GINS1: variants seen among roughly 807,000 people sequenced by gnomAD.
GINS1 encodes GINS complex subunit 1.
A neutral mutation model predicts 34.9 loss-of-function variants in GINS1; 26 were observed. That is an observed-to-expected ratio of 0.74 (90% CI 0.55 to 1.03). The LOEUF is 1.03. Among genes scored for constraint, GINS1 ranks in the 50% least tolerant of loss-of-function variants. The pLI is 0.00. For synonymous variants in GINS1, 97 were observed against 84.4 expected, an observed-to-expected ratio of 1.15 and a Z score of -0.82; for missense variants, 235 against 237.9, an observed-to-expected ratio of 0.99 and a Z score of 0.08.
In GINS1 at chr20:25,441,742, AT is replaced by A; in HGVS notation, c.489del (p.Asp163GlufsTer7). 1.3e-6 allele frequency: 2 copies of A among 1,567,720 alleles called. No homozygotes were observed. On this transcript the variant is annotated frameshift_variant, in exon 6 of 7. Transcript: ENST00000262460. LOFTEE classifies it high-confidence loss of function. ...LKDYGEFEVDDGTSVLLKKNS... is the reference protein window; with the variant it reads ...LKDYGEFEVDXGTSVLLKKNS... ...GACTATGGAGAATTTGAAGTTGATGATGGCACTTCAGTCCTATTAAAAAAAA... is the reference window on the plus strand; with the variant it reads ...GACTATGGAGAATTTGAAGTTGATGAGGCACTTCAGTCCTATTAAAAAAAA...
At chr20:25,417,625 G>A (rs1202514804) in intron 3 of GINS1, among the ~76,000 whole-genome samples, 1 of 152,084 alleles carries the variant, frequency 6.6e-6, no homozygotes, top group Non-Finnish European at 1.5e-5. Flanking sequence ...GGAGGCCAAG[G>A]CGGGTGGATC....
chr20:25,407,789 TG>T lies in GINS1; in HGVS notation c.-30del, dbSNP rs780194971. The T allele has an allele frequency of 1.9e-6, 3 of 1,590,964 alleles. No homozygotes were observed. The African/African-American group carries it at 4.0e-5, about 21-fold the overall frequency. On this transcript the variant is annotated 5_prime_UTR_variant, in exon 1 of 7. Coordinates refer to ENST00000262460, the MANE Select transcript of GINS1 (RefSeq NM_021067.5). ...CCATTTTGGCGTGAGAGCTGGTGGT[TG>T]GCAAGGCCGCGGGAGTGGGAAGCGT...
At chr20:25,442,421 T>C (rs991425112) in intron 6 of GINS1, among the ~76,000 whole-genome samples, 4 of 152,060 alleles carry the variant, frequency 2.6e-5, no homozygotes, top group Non-Finnish European at 5.9e-5. Context: ...CCTTGCTATG[T>C]TGACCATGCT....
intron 1 of GINS1, among the ~76,000 whole-genome samples, chr20:25,412,127 A>G (rs1455181109): frequency 6.6e-6 from 1 of 152,122 alleles, no homozygotes; most frequent in Non-Finnish European, 1.5e-5. Flanking sequence ...GAAAAAAATC[A>G]GAATTCTAAT....
intron 5 of GINS1, among the ~76,000 whole-genome samples, chr20:25,440,528 C>T (rs189621374): frequency 1.5e-3 from 222 of 151,920 alleles, no homozygotes; most frequent in Admixed American, 2.2e-3. Flanking sequence ...GAAGCAAATG[C>T]GGCCAGGCGT....
rs1568813204 is a variant in GINS1 at position 25,445,916 on chromosome 20, C to A, written c.523-7C>A. ...TACTCTTTCTCCATCCCTTCTTGTC[C>A]CCTCAGCACTTTTTACCTCGATGGA... On this transcript the variant is annotated splice_region_variant and splice_polypyrimidine_tract_variant and intron_variant, in intron 6 of 6. Coordinates refer to ENST00000262460, the MANE Select transcript of GINS1 (RefSeq NM_021067.5). 2 of 1,567,248 alleles carry A rather than the reference C, an allele frequency of 1.3e-6. No individual in the cohort carries two copies. Among genetic ancestry groups the A allele is most frequent in the Admixed American group, 1.7e-5 (1 of 57,660 alleles).
intron 1 of GINS1, among the ~76,000 whole-genome samples, chr20:25,409,880 T>C (rs993464718): frequency 1.3e-5 from 2 of 152,222 alleles, no homozygotes; most frequent in Admixed American, 1.3e-4. Flanking sequence ...TTAGAGGTCA[T>C]TGTACATATC....
At chr20:25,415,954 G>A (rs905601306) in intron 2 of GINS1, among the ~76,000 whole-genome samples, 1 of 152,170 alleles carries the variant, frequency 6.6e-6, no homozygotes, top group African/African-American at 2.4e-5. Flanking sequence ...CTAGGTGGAG[G>A]GAACAGCATA....
Position 25,407,785 on chromosome 20 carries a change from TG to T in GINS1, c.-34del. On this transcript the variant is annotated 5_prime_UTR_variant, in exon 1 of 7. Coordinates refer to ENST00000262460, the MANE Select transcript of GINS1 (RefSeq NM_021067.5). ...GATACCATTTTGGCGTGAGAGCTGGTGGTTGGCAAGGCCGCGGGAGTGGGAA... is the reference window on the plus strand; with the variant it reads ...GATACCATTTTGGCGTGAGAGCTGGTGTTGGCAAGGCCGCGGGAGTGGGAA... The T allele has an allele frequency of 6.4e-7, 1 of 1,559,896 alleles. No individual in the cohort carries two copies. The highest frequency in any genetic ancestry group is 8.8e-7 in the Non-Finnish European group (1 of 1,131,378).
chr20:25,414,030 A>C (rs1162574728), intron 2 of GINS1, among the ~76,000 whole-genome samples, 176 bp downstream of exon 2: 1 of 151,944 alleles, frequency 6.6e-6, no homozygotes, highest in African/African-American at 2.4e-5. Context: ...TCTCTACTAA[A>C]AATACAAAAA....
chr20:25,434,875 A>C (rs1192170167), intron 5 of GINS1, among the ~76,000 whole-genome samples: 1 of 152,204 alleles, frequency 6.6e-6, no homozygotes, highest in Non-Finnish European at 1.5e-5. Context: ...GAGGGATGAA[A>C]TGCAGTGTCC....
chr20:25,408,832 C>T lies in GINS1; in HGVS notation c.75+937C>T, dbSNP rs563432889. The T allele has an allele frequency of 5.2e-6, 4 of 774,338 alleles. 1 individual carries two copies. In the South Asian group the frequency reaches 2.3e-4, roughly 45 times the overall value. 48.0% of individuals were successfully genotyped at this position (774,338 alleles called of 1,614,324 possible). On this transcript the variant is annotated intron_variant, in intron 1 of 6. Coordinates refer to ENST00000262460, the MANE Select transcript of GINS1 (RefSeq NM_021067.5). ...TAGGATTTGAACCCTGGCACTCTGGCTCCAGAGCCTGCACTCTAAATTGTA... is the reference window on the plus strand; with the variant it reads ...TAGGATTTGAACCCTGGCACTCTGGTTCCAGAGCCTGCACTCTAAATTGTA...
At chr20:25,418,298 T>C (rs1209419651) in intron 4 of GINS1, 103 bp downstream of exon 4, 1 of 764,484 alleles carries the variant, frequency 1.3e-6, no homozygotes. Context: ...GTTTAATGTC[T>C]GTTTTTCCCC....
In GINS1 at chr20:25,407,883, GC is replaced by G. The variant is rs1341651518; in HGVS notation, c.65del (p.Pro22LeufsTer15). ...ELHRAPEGQLPAFNEDGLRQV... is the reference protein window; with the variant it reads ...ELHRAPEGQLXAFNEDGLRQV... ...TGCATCGCGCGCCCGAAGGGCAACT[GC>G]CTGCCTTCAACGTGAGGGGCGGGTA... On this transcript the variant is annotated frameshift_variant, in exon 1 of 7. Transcript: ENST00000262460. LOFTEE classifies it high-confidence loss of function. 1.9e-6 allele frequency: 3 copies of G among 1,613,074 alleles called. No individual in the cohort carries two copies. Among genetic ancestry groups the G allele is most frequent in the Non-Finnish European group, 2.5e-6 (3 of 1,179,226 alleles).
At chr20:25,431,536 TTTTTTCTTTTTC>T (rs1363358678) in intron 5 of GINS1, among the ~76,000 whole-genome samples, 4 of 151,702 alleles carry the variant, frequency 2.6e-5, no homozygotes, top group Non-Finnish European at 4.4e-5. Flanking sequence ...TTTTTGTTTC[TTTTTTCTTTTTC>T]TTTTTCTTTT....
intron 5 of GINS1, among the ~76,000 whole-genome samples, chr20:25,434,879 A>G (rs1004581845): frequency 2.6e-5 from 4 of 152,220 alleles, no homozygotes; most frequent in Non-Finnish European, 4.4e-5. Flanking sequence ...GATGAAATGC[A>G]GTGTCCTTGC....
At chr20:25,414,689 G>A (rs182501804) in intron 2 of GINS1, among the ~76,000 whole-genome samples, 21 of 152,262 alleles carry the variant, frequency 1.4e-4, no homozygotes, top group Non-Finnish European at 4.4e-5. Context: ...GACAGAAGGA[G>A]ATCTCCATCT....
Position 25,423,452 on chromosome 20 carries a change from C to CTTTTTTTTT in GINS1, c.331-1733_331-1725dup, listed in dbSNP as rs1159340467. Among the ~76,000 whole-genome samples, 196 of 29,996 alleles carry CTTTTTTTTT rather than the reference C, an allele frequency of 6.5e-3. 47 individuals are homozygous for CTTTTTTTTT. The highest frequency in any genetic ancestry group is 9.0e-3 in the Non-Finnish European group (157 of 17,352). 19.7% of individuals were successfully genotyped at this position (29,996 alleles called of 152,430 possible). ...AAGGTTATTAAGATATTTTTCTTTTCTTTTTTTTTTTTTTTTTTTTTTTTT... is the reference window on the plus strand; with the variant it reads ...AAGGTTATTAAGATATTTTTCTTTTCTTTTTTTTTTTTTTTTTTTTTTTTTTTTTTTTTT... On this transcript the variant is annotated intron_variant, in intron 4 of 6. Transcript: ENST00000262460.
At chr20:25,428,969 CTTTTTTTTTTTTTTTTTTTTTTTTT>C (rs77113924) in intron 5 of GINS1, among the ~76,000 whole-genome samples, 5 of 127,518 alleles carry the variant, frequency 3.9e-5, no homozygotes, top group South Asian at 5.3e-4. Context: ...ATTCCTCTCT[CTTTTTTTTTTTTTTTTTTTTTTTTT>C]TTTTTTTTTT....
Sources: allele counts gnomAD v4.1 joint callset (sites outside exome capture counted in the v4.1 genomes callset), GRCh38; gene constraint gnomAD v4.1.1; transcripts MANE v1.5; gene names NCBI Gene and HGNC (gene_info 2026-07-23, HGNC 2026-07-21).